MORC1: variants seen among roughly 807,000 people sequenced by gnomAD.
MORC1 encodes MORC family CW-type zinc finger 1.
A neutral mutation model predicts 134.9 loss-of-function variants in MORC1; 59 were observed. The ratio of observed to expected loss-of-function variants is 0.44; its 90% CI spans 0.35 to 0.54. The LOEUF is 0.54. MORC1 is among the 20% of genes least tolerant of loss of function. MORC1 has a pLI of 0.00. For synonymous variants in MORC1, 395 were observed against 391.7 expected, an observed-to-expected ratio of 1.01 and a Z score of -0.10; for missense variants, 947 against 1,134.5, an observed-to-expected ratio of 0.83 and a Z score of 2.37.
At chr3:109,095,267 T>C (rs973776380) in intron 6 of MORC1, among the ~76,000 whole-genome samples, 199 bp from the exon 7 acceptor site, 1 of 152,162 alleles carries the variant, frequency 6.6e-6, no homozygotes, top group East Asian at 1.9e-4. Context: ...AAATACTCCA[T>C]TGTGGAATAT....
rs1268063372 is a variant in MORC1, at chr3:108,985,022, G to A, written c.2258-240C>T. Among the ~76,000 whole-genome samples the A allele has an allele frequency of 2.0e-5, 3 of 151,626 alleles. No individual in the cohort carries two copies. In the South Asian group the frequency reaches 6.2e-4, roughly 32 times the overall value. On this transcript the variant is annotated intron_variant, in intron 22 of 27. Transcript: ENST00000232603. ...ATCCAAGAGAGTGTAGCTTTTTTTTGGTAATTTTTAAATGGACATTTTTTA... is the reference window on the plus strand; with the variant it reads ...ATCCAAGAGAGTGTAGCTTTTTTTTAGTAATTTTTAAATGGACATTTTTTA...
chr3:109,072,934 A>ACACACACAC (rs1248199334), intron 8 of MORC1, among the ~76,000 whole-genome samples: 5 of 144,746 alleles, frequency 3.5e-5, no homozygotes, highest in African/African-American at 1.1e-4. Context: ...AATCTCCCTC[A>ACACACACAC]ACACACACAC....
At chr3:108,992,651 G>T (rs1380330845) in intron 21 of MORC1, among the ~76,000 whole-genome samples, 2 of 152,134 alleles carry the variant, frequency 1.3e-5, no homozygotes, top group Non-Finnish European at 2.9e-5. Flanking sequence ...GAAAATGGAG[G>T]AAATGATTAC....
At chr3:109,103,391 C>G (rs1950965144) in intron 4 of MORC1, among the ~76,000 whole-genome samples, 1 of 152,056 alleles carries the variant, frequency 6.6e-6, no homozygotes, top group African/African-American at 2.4e-5. Context: ...GTAAAGCTTT[C>G]AAAATGCAGA....
rs1044582704 is a variant in MORC1 at position 109,095,016 on chromosome 3, T to C, written c.476A>G (p.Asp159Gly). ...TTCCATTGCAAATTTCTGGGGATCATCTGTGACAGATTCTCTGGTTCTTAT... is the reference window on the plus strand; with the variant it reads ...TTCCATTGCAAATTTCTGGGGATCACCTGTGACAGATTCTCTGGTTCTTAT... ...WLIRTRESVT[D>G]DPQKFAMELS... Residue 159 changes from aspartate (D) to glycine (G), a missense_variant, in exon 7 of 28, where the codon GAT (aspartate) becomes GGT (glycine). By Grantham distance (94) the Asp-to-Gly change is moderately conservative. Around this residue, in one of 3 missense-constraint regions of MORC1, gnomAD observed 214 missense variants for 281.3 expected, o/e 0.76. Coordinates refer to ENST00000232603, the MANE Select transcript of MORC1 (RefSeq NM_014429.4). 2 of 1,593,232 alleles carry C rather than the reference T, an allele frequency of 1.3e-6. No homozygotes were observed. The highest frequency in any genetic ancestry group is 1.8e-5 in the Admixed American group (1 of 55,094).
chr3:109,010,062 T>C (rs993673480), intron 17 of MORC1, among the ~76,000 whole-genome samples: 5 of 152,218 alleles, frequency 3.3e-5, no homozygotes, highest in African/African-American at 7.2e-5. Flanking sequence ...AGCAAACTTT[T>C]TCTGTAAAAG....
At chr3:109,021,296 G>A (rs182531415) in intron 17 of MORC1, among the ~76,000 whole-genome samples, 35 of 152,246 alleles carry the variant, frequency 2.3e-4, no homozygotes, top group Non-Finnish European at 3.7e-4. Flanking sequence ...GATCAAATAG[G>A]TGTATTTGCA....
At chr3:109,015,380 G>A (rs1416955561) in intron 17 of MORC1, among the ~76,000 whole-genome samples, 1 of 152,104 alleles carries the variant, frequency 6.6e-6, no homozygotes, top group Non-Finnish European at 1.5e-5. Context: ...GTCAATGAGT[G>A]GGTTACATTT....
chr3:109,057,458 G>C lies in MORC1; in HGVS notation c.1060C>G (p.Leu354Val), dbSNP rs1351044766. The C allele has an allele frequency of 6.2e-7, 1 of 1,604,092 alleles. No individual in the cohort carries two copies. The highest frequency in any genetic ancestry group is 1.3e-5 in the African/African-American group (1 of 74,628). Residue 354 changes from leucine to valine, a missense_variant, in exon 13 of 28, where the codon CTG becomes GTG. Around this residue, in one of 3 missense-constraint regions of MORC1, gnomAD observed 722 missense variants for 817.0 expected, o/e 0.88. Transcript: ENST00000232603. The stretch of plus-strand genomic sequence containing the variant: ...TTTTCTACGTTCACTCCATAGAACA[G>C]GGAGAGCGTTCTTGCTGTTTTTAAT... Reference protein sequence around the residue: ...RELKTARTLSLFYGVNVENRS... With the variant: ...RELKTARTLSVFYGVNVENRS...
intron 8 of MORC1, among the ~76,000 whole-genome samples, chr3:109,080,116 C>A (rs1386525881): frequency 2.0e-5 from 3 of 152,092 alleles, no homozygotes; most frequent in Non-Finnish European, 4.4e-5. Context: ...TTTCCCATAT[C>A]ATGTATTAGT....
intron 8 of MORC1, among the ~76,000 whole-genome samples, chr3:109,080,763 A>G (rs1950506145): frequency 6.6e-6 from 1 of 152,192 alleles, no homozygotes; most frequent in Non-Finnish European, 1.5e-5. Flanking sequence ...GATTTTTAAA[A>G]GAACAGTGAA....
In MORC1 at chr3:108,986,932, G is replaced by A. The variant is rs1264460288; in HGVS notation, c.2205C>T (p.Asn735=). The part of the protein sequence containing the change: ...SDIILVSDKS[N]TDVSLKQEKK... ...TTTCTTGTTTCAATGAAACATCAGTGTTGCTTTTATCTGAAACCTGAAAAA... is the reference window on the plus strand; with the variant it reads ...TTTCTTGTTTCAATGAAACATCAGTATTGCTTTTATCTGAAACCTGAAAAA... The change falls in exon 22 of 28, where the codon AAC becomes AAT. Residue 735 remains asparagine, a synonymous_variant. Transcript: ENST00000232603. 1 of 1,571,268 alleles carries A rather than the reference G, an allele frequency of 6.4e-7. No individual in the cohort carries two copies. Among genetic ancestry groups the A allele is most frequent in the African/African-American group, 1.4e-5 (1 of 72,684 alleles).
rs63198360 is a variant in MORC1 at position 108,973,595 on chromosome 3, G to GTTT, written c.2478-2196_2478-2194dup. 2.3e-3 allele frequency among the ~76,000 whole-genome samples: 181 copies of GTTT among 77,884 alleles called. 2 individuals carry two copies. Among genetic ancestry groups the GTTT allele is most frequent in the African/African-American group, 3.6e-3 (59 of 16,532 alleles). The allele number at this position is 77,884 out of a possible 152,430, so 51.1% of individuals were successfully genotyped here. On this transcript the variant is annotated intron_variant, in intron 24 of 27. Transcript: ENST00000232603. ...TTCGTTTTTTGTTTGCTTTGTTTTG[G>GTTT]TTTTTTTTTTTTTTTTTCAGACTGA... is the stretch of plus-strand genomic sequence containing the variant.
At chr3:109,077,241 G>A (rs76771909) in intron 8 of MORC1, among the ~76,000 whole-genome samples, 4,831 of 152,080 alleles carry the variant, frequency 0.032, 240 homozygotes, top group African/African-American at 0.11. Context: ...GAATCATTTC[G>A]GGATATAATA....
intron 23 of MORC1, among the ~76,000 whole-genome samples, chr3:108,982,548 G>A (rs1164921962): frequency 1.3e-5 from 2 of 149,660 alleles, no homozygotes; most frequent in African/African-American, 5.0e-5. Context: ...TGGACACAGG[G>A]TGGGGAACAT....
intron 17 of MORC1, among the ~76,000 whole-genome samples, chr3:109,017,110 C>T (rs1232617720): frequency 6.6e-6 from 1 of 152,210 alleles, no homozygotes; most frequent in East Asian, 1.9e-4. Flanking sequence ...TTTCCATTCA[C>T]TACTTCCCCT....
At chr3:109,038,870 G>A (rs62272155) in intron 14 of MORC1, among the ~76,000 whole-genome samples, 72,335 of 151,878 alleles carry the variant, frequency 0.48, 20,349 homozygotes, top group East Asian at 0.91. Flanking sequence ...GTCAGGTAGC[G>A]CGATGCCTCC....
chr3:109,019,867 G>A (rs540856906), intron 17 of MORC1, among the ~76,000 whole-genome samples: 2 of 152,230 alleles, frequency 1.3e-5, no homozygotes, highest in South Asian at 4.1e-4. Context: ...TTCACCAAAA[G>A]TATAGATAAT....
At chr3:109,010,364 G>A (rs535117197) in intron 17 of MORC1, among the ~76,000 whole-genome samples, 20 of 151,930 alleles carry the variant, frequency 1.3e-4, no homozygotes, top group African/African-American at 2.9e-4. Context: ...TCATTGTCTC[G>A]TATAGTCTCA....
Sources: allele counts gnomAD v4.1 joint callset (sites outside exome capture counted in the v4.1 genomes callset), GRCh38; gene constraint gnomAD v4.1.1; regional missense constraint gnomAD v4.1.1; transcripts MANE v1.5; gene names NCBI Gene and HGNC (gene_info 2026-07-23, HGNC 2026-07-21).